The following EPHA6 variants were observed in gnomAD, a reference collection of about 807,000 sequenced individuals.
EPHA6 encodes the protein EPH receptor A6, also known as ephrin type-A receptor 6.
Under a neutral mutation model 112.0 loss-of-function variants are expected in EPHA6, and 50 were observed. The observed-to-expected ratio is 0.45, with a 90% CI of 0.36 to 0.56. The LOEUF is 0.56. Ranked by LOEUF, EPHA6 falls within the 20% of genes least tolerant of loss-of-function variation. The probability of loss-of-function intolerance (pLI) is 0.00; values close to 1 mark genes in which losing one functional copy is unlikely to be tolerated. For missense variants in EPHA6, 1,280 were observed against 1,417.4 expected (o/e 0.90, Z 1.56); for synonymous variants, 529 against 490.7 (o/e 1.08, Z -1.03).
chr3:97,408,963 A>C (rs2087537779), intron 6 of EPHA6, among the ~76,000 whole-genome samples: 1 of 152,112 alleles, frequency 6.6e-6, no homozygotes, highest in Admixed American at 6.6e-5. Context: ...AAAAGAATTG[A>C]TTTCAACCCT....
intron 5 of EPHA6, among the ~76,000 whole-genome samples, chr3:97,284,671 G>C (rs572385131): frequency 6.6e-6 from 1 of 152,258 alleles, no homozygotes; most frequent in East Asian, 1.9e-4. Flanking sequence ...TGAATAACAT[G>C]ATGTGAAAAA....
At chr3:97,632,697 T>C (rs1469520539) in intron 13 of EPHA6, among the ~76,000 whole-genome samples, 1 of 151,910 alleles carries the variant, frequency 6.6e-6, no homozygotes, top group Non-Finnish European at 1.5e-5. Context: ...ACACATTAGA[T>C]ATAAAACAGC....
chr3:96,886,693 T>C (rs546743223), intron 2 of EPHA6, among the ~76,000 whole-genome samples: 9 of 152,328 alleles, frequency 5.9e-5, no homozygotes, highest in Admixed American at 1.3e-4. Flanking sequence ...AGTATTGAGA[T>C]GTGAGGATCC....
At chr3:97,199,952 T>C (rs1342892904) in intron 3 of EPHA6, among the ~76,000 whole-genome samples, 2 of 152,140 alleles carry the variant, frequency 1.3e-5, no homozygotes, top group East Asian at 3.9e-4. Context: ...CAATCAATTG[T>C]CTTTTAAACA....
intron 5 of EPHA6, among the ~76,000 whole-genome samples, chr3:97,372,979 G>A (rs1235792547): frequency 2.6e-5 from 4 of 152,100 alleles, no homozygotes; most frequent in Admixed American, 2.6e-4. Context: ...GGTCCCACTT[G>A]TTAAAAGTAG....
intron 5 of EPHA6, among the ~76,000 whole-genome samples, chr3:97,265,630 G>A (rs2079654021): frequency 6.6e-6 from 1 of 152,178 alleles, no homozygotes; most frequent in Non-Finnish European, 1.5e-5. Context: ...AGGGTGCAGA[G>A]CACAGAGAAG....
chr3:97,197,818 T>C (rs2077479394), intron 3 of EPHA6, among the ~76,000 whole-genome samples: 1 of 152,022 alleles, frequency 6.6e-6, no homozygotes, highest in African/African-American at 2.4e-5. Context: ...TTTTAGCCCA[T>C]GGTGGTGGGG....
chr3:97,355,221 A>G (rs1171488796), intron 5 of EPHA6, among the ~76,000 whole-genome samples: 2 of 152,186 alleles, frequency 1.3e-5, no homozygotes, highest in Non-Finnish European at 2.9e-5. Context: ...CACAGATTAT[A>G]ACTCTGTAAC....
chr3:97,706,265 A>T (rs2033670523), intron 14 of EPHA6, among the ~76,000 whole-genome samples: 1 of 152,182 alleles, frequency 6.6e-6, no homozygotes, highest in Non-Finnish European at 1.5e-5. Context: ...AGGAAAAAAA[A>T]CACTCATTTA....
intron 5 of EPHA6, among the ~76,000 whole-genome samples, chr3:97,289,153 C>T (rs2080588702): frequency 6.6e-6 from 1 of 151,954 alleles, no homozygotes; most frequent in Non-Finnish European, 1.5e-5. Flanking sequence ...AATTTCTTTC[C>T]CAAGGCCAAT....
intron 5 of EPHA6, among the ~76,000 whole-genome samples, chr3:97,267,051 G>A (rs769670793): frequency 7.2e-5 from 11 of 152,170 alleles, no homozygotes; most frequent in South Asian, 2.1e-4. Flanking sequence ...TTTTAGTGTC[G>A]AAATGTGAGT....
At chr3:97,178,053 A>G (rs9849062) in intron 3 of EPHA6, among the ~76,000 whole-genome samples, 59,173 of 151,844 alleles carry the variant, frequency 0.39, 16,023 homozygotes, top group African/African-American at 0.77. Context: ...CCTGTCTTCC[A>G]CAAGTGAAGA....
At chr3:97,584,997 T>C (rs1316724149) in intron 11 of EPHA6, among the ~76,000 whole-genome samples, 1 of 152,208 alleles carries the variant, frequency 6.6e-6, no homozygotes, top group Non-Finnish European at 1.5e-5. Flanking sequence ...GACATTTTTA[T>C]TACTAAACAT....
chr3:97,297,886 C>A (rs2080934494), intron 5 of EPHA6, among the ~76,000 whole-genome samples: 1 of 152,098 alleles, frequency 6.6e-6, no homozygotes, highest in African/African-American at 2.4e-5. Context: ...GCTTCAGCCT[C>A]CTGAGTAGCT....
intron 1 of EPHA6, among the ~76,000 whole-genome samples, chr3:96,860,665 A>G (rs1199003524): frequency 1.3e-5 from 2 of 152,094 alleles, no homozygotes; most frequent in Admixed American, 6.6e-5. Context: ...AACATGTTCA[A>G]TGGTTTGAGC....
At chr3:97,138,766 G>A (rs771599781) in intron 3 of EPHA6, among the ~76,000 whole-genome samples, 5 of 152,206 alleles carry the variant, frequency 3.3e-5, no homozygotes, top group African/African-American at 7.2e-5. Flanking sequence ...CTCCATTCAC[G>A]AGAATGGACT....
chr3:97,363,430 CT>C (rs2084519851), intron 5 of EPHA6, among the ~76,000 whole-genome samples: 1 of 150,912 alleles, frequency 6.6e-6, no homozygotes, highest in Admixed American at 6.6e-5. Context: ...GTTTACTTAT[CT>C]CATTATAAAA....
intron 14 of EPHA6, among the ~76,000 whole-genome samples, chr3:97,675,015 T>C (rs141785863): frequency 1.3e-5 from 2 of 152,162 alleles, no homozygotes; most frequent in East Asian, 1.9e-4. Flanking sequence ...CAGATGAAAA[T>C]AACATCTAAG....
At chr3:97,518,074 C>A (rs1459083118) in intron 10 of EPHA6, among the ~76,000 whole-genome samples, 1 of 152,108 alleles carries the variant, frequency 6.6e-6, no homozygotes, top group Non-Finnish European at 1.5e-5. Context: ...GATAGCTCAT[C>A]AGCATATTGA....
Sources: gnomAD v4.1 joint callset for allele counts (sites outside exome capture counted in the v4.1 genomes callset) on GRCh38, gnomAD v4.1.1 for gene constraint, MANE v1.5 for transcripts, NCBI Gene and HGNC (gene_info 2026-07-23, HGNC 2026-07-21) for gene names.